Variants in PPIL2 observed in about 807,000 individuals in gnomAD.
PPIL2 encodes peptidylprolyl isomerase like 2.
PPIL2 carries 50 observed loss-of-function variants against 75.2 expected under a neutral mutation model. The observed-to-expected ratio is 0.66, with a 90% CI of 0.53 to 0.84. PPIL2 has a LOEUF of 0.84. Among genes scored for constraint, PPIL2 ranks in the 40% least tolerant of loss-of-function variants. The pLI is 0.00. For missense variants in PPIL2, 590 were observed against 685.0 expected, an observed-to-expected ratio of 0.86 and a Z score of 1.55; for synonymous variants, 245 against 258.8, an observed-to-expected ratio of 0.95 and a Z score of 0.51.
rs779001630 is a variant in PPIL2 at position 21,683,265 on chromosome 22, C to T, written c.553+8C>T. 7 of 1,601,484 alleles carry T rather than the reference C, an allele frequency of 4.4e-6. No homozygotes were observed. The highest frequency in any genetic ancestry group is 6.0e-6 in the Non-Finnish European group (7 of 1,168,666). ...TGAAAATAATAGACCCAGGTATGTA[C>T]ACCTAGGGGCTGGGCTAGGCGAGGG... On this transcript the variant is annotated splice_region_variant and intron_variant, in intron 9 of 19. Coordinates refer to ENST00000398831, the MANE Select transcript of PPIL2 (RefSeq NM_014337.4).
intron 15 of PPIL2, among the ~76,000 whole-genome samples, chr22:21,692,281 T>A (rs11089685): frequency 1.6e-4 from 25 of 151,584 alleles, no homozygotes; most frequent in East Asian, 4.0e-4. Context: ...TCAGCCTCCC[T>A]AGTAGCTGGG....
At chr22:21,693,264 T>G (rs1449382037) in intron 15 of PPIL2, among the ~76,000 whole-genome samples, 1 of 151,990 alleles carries the variant, frequency 6.6e-6, no homozygotes. Context: ...GCCAGGCTGG[T>G]CTCCAACTCC....
chr22:21,696,670 T>G lies in PPIL2; in HGVS notation c.*1180T>G. On this transcript the variant is annotated 3_prime_UTR_variant, in exon 20 of 20. Transcript: ENST00000398831. ...CCCTCAGGCCACCCCCCACTTCTAG[T>G]TCTTCACACTAAGCCCTAACTTAGG... 1 of 1,531,490 alleles carries G rather than the reference T, an allele frequency of 6.5e-7. No individual in the cohort carries two copies. 94.9% of individuals were successfully genotyped at this position (1,531,490 alleles called of 1,614,324 possible).
chr22:21,691,094 C>T lies in PPIL2; in HGVS notation c.1139+2245C>T, dbSNP rs550756668. ...GTTCTCCTGGGATTACAGACGCCCA[C>T]CACCACACCAGGATAATTTTTTGTA... On this transcript the variant is annotated intron_variant, in intron 15 of 19. Coordinates refer to ENST00000398831, the MANE Select transcript of PPIL2 (RefSeq NM_014337.4). 2.9e-5 allele frequency among the ~76,000 whole-genome samples: 4 copies of T among 138,272 alleles called. No individual in the cohort carries two copies. The South Asian group carries it at 9.5e-4, about 33-fold the overall frequency. The allele number at this position is 138,272 out of a possible 152,430, so 90.7% of individuals were successfully genotyped here.
chr22:21,695,318 G>C, intron 19 of PPIL2, 76 bp from the exon 20 acceptor site: 1 of 1,500,130 alleles, frequency 6.7e-7, no homozygotes, highest in Non-Finnish European at 9.1e-7. Context: ...ACACCGGGAG[G>C]GCTGTATGGA....
chr22:21,691,863 G>A (rs558239930), intron 15 of PPIL2, among the ~76,000 whole-genome samples: 1 of 152,176 alleles, frequency 6.6e-6, no homozygotes, highest in Admixed American at 6.5e-5. Flanking sequence ...TCACATCTGC[G>A]GACACTTGTC....
chr22:21,695,789 A>G lies in PPIL2; in HGVS notation c.*299A>G. 8.1e-7 allele frequency: 1 copy of G among 1,228,874 alleles called. No individual in the cohort carries two copies. 76.1% of individuals were successfully genotyped at this position (1,228,874 alleles called of 1,614,324 possible). ...GCCTCAGGCCTCCCCTCTAGTAGGC[A>G]GGCCAGGTTAGTGAGGAAGGACTGT... On this transcript the variant is annotated 3_prime_UTR_variant, in exon 20 of 20. Coordinates refer to ENST00000398831, the MANE Select transcript of PPIL2 (RefSeq NM_014337.4).
chr22:21,684,930 A>C lies in PPIL2; in HGVS notation c.714+17A>C. Reference sequence around the variant, plus strand: ...CTGAACGCTGTGAGTGGCGGAGGGCACTCGGCCAAGCCCAAGCCCCGTCTT... The same window carrying C: ...CTGAACGCTGTGAGTGGCGGAGGGCCCTCGGCCAAGCCCAAGCCCCGTCTT... On this transcript the variant is annotated intron_variant, in intron 10 of 19. Coordinates refer to ENST00000398831, the MANE Select transcript of PPIL2 (RefSeq NM_014337.4). The C allele has an allele frequency of 6.2e-7, 1 of 1,612,390 alleles. No individual in the cohort carries two copies. The highest frequency in any genetic ancestry group is 8.5e-7 in the Non-Finnish European group (1 of 1,178,832).
chr22:21,695,488 TAGC>T lies in PPIL2; in HGVS notation c.*4_*6del. 1 of 1,595,874 alleles carries T rather than the reference TAGC, an allele frequency of 6.3e-7. No homozygotes were observed. The highest frequency in any genetic ancestry group is 8.5e-7 in the Non-Finnish European group (1 of 1,170,616). ...GGGTTTTGGGGACTTCAGCTCCTGG[TAGC>T]AGCAGGTTGGCCGCTGTGGACCTTG... On this transcript the variant is annotated stop_retained_variant and 3_prime_UTR_variant, in exon 20 of 20. Transcript: ENST00000398831.
chr22:21,681,957 G>A (rs1218488576), intron 7 of PPIL2, among the ~76,000 whole-genome samples: 2 of 152,224 alleles, frequency 1.3e-5, no homozygotes, highest in Admixed American at 6.5e-5. Context: ...GGTGGCCAGC[G>A]CTGCTCCAGG....
At chr22:21,676,515 T>G (rs1324696571) in intron 6 of PPIL2, among the ~76,000 whole-genome samples, 7 of 151,818 alleles carry the variant, frequency 4.6e-5, no homozygotes, top group Non-Finnish European at 1.0e-4. Flanking sequence ...TGCGGCCTTC[T>G]GCAGTGTTTG....
chr22:21,672,357 C>T lies in PPIL2; in HGVS notation c.219C>T (p.Tyr73=), dbSNP rs773717734. The T allele has an allele frequency of 4.2e-5, 68 of 1,612,064 alleles. No individual in the cohort carries two copies. In the South Asian group the frequency reaches 4.6e-4, roughly 11 times the overall value. Residue 73 remains tyrosine, a synonymous_variant, in exon 5 of 20, where the codon TAC becomes TAT. Coordinates refer to ENST00000398831, the MANE Select transcript of PPIL2 (RefSeq NM_014337.4). ...LLNIVPWLKK[Y]GTNPSNGEKL... ...ACATTGTTCCATGGCTTAAGAAGTA[C>T]GGGACCAACCCCAGCAATGGAGAGG... is the stretch of plus-strand genomic sequence containing the variant.
intron 5 of PPIL2, among the ~76,000 whole-genome samples, chr22:21,674,252 C>A (rs1326043777): frequency 6.6e-6 from 1 of 152,242 alleles, no homozygotes; most frequent in African/African-American, 2.4e-5. Flanking sequence ...CCGCCCCCAG[C>A]AGTTCCCACC....
intron 4 of PPIL2, among the ~76,000 whole-genome samples, chr22:21,671,656 C>T (rs2066638956): frequency 6.6e-6 from 1 of 152,136 alleles, no homozygotes; most frequent in Admixed American, 6.5e-5. Flanking sequence ...AGTCCTTCCA[C>T]CTCAGCCTCC....
At position 21,686,338 on chromosome 22, in the gene PPIL2, G is replaced by A. The variant is rs2067359101; in HGVS notation, c.715-145G>A. 8 of 717,308 alleles carry A rather than the reference G, an allele frequency of 1.1e-5. 1 individual carries two copies. The Admixed American group carries it at 1.9e-4, about 17-fold the overall frequency. The allele number at this position is 717,308 out of a possible 1,614,324, so 44.4% of individuals were successfully genotyped here. ...TAGCCTTGGCTTCTTCCTCCTGCTG[G>A]TTGGGGAGGCCCTCCTGGAGGAGAG... On this transcript the variant is annotated intron_variant, in intron 10 of 19. Coordinates refer to ENST00000398831, the MANE Select transcript of PPIL2 (RefSeq NM_014337.4).
At chr22:21,686,697 T>A in intron 11 of PPIL2, 139 bp downstream of exon 11, 3 of 1,062,230 alleles carry the variant, frequency 2.8e-6, no homozygotes, top group Non-Finnish European at 2.8e-6. Context: ...CCCTCTTAGC[T>A]GCTGAACCCC....
chr22:21,666,095 C>T lies in PPIL2; in HGVS notation c.-5C>T. 1 of 1,613,364 alleles carries T rather than the reference C, an allele frequency of 6.2e-7. No homozygotes were observed. ...GTGCTCGCTAGTCGCCGCCGCCGCTCCGCCATGGGGAAGCGACAGCACCAA... is the reference window on the plus strand; with the variant it reads ...GTGCTCGCTAGTCGCCGCCGCCGCTTCGCCATGGGGAAGCGACAGCACCAA... On this transcript the variant is annotated 5_prime_UTR_variant, in exon 1 of 20. Transcript: ENST00000398831.
rs1306139400 is a variant in PPIL2 at position 21,682,512 on chromosome 22, A to G, written c.463A>G (p.Ile155Val). 6.3e-7 allele frequency: 1 copy of G among 1,595,586 alleles called. No individual in the cohort carries two copies. Among genetic ancestry groups the G allele is most frequent in the Non-Finnish European group, 8.5e-7 (1 of 1,171,642 alleles). Residue 155 changes from isoleucine to valine, a missense_variant, in exon 8 of 20, where the codon ATC becomes GTC. Physicochemically the swap from Ile to Val is conservative, Grantham distance 29 (BLOSUM62 3). Coordinates refer to ENST00000398831, the MANE Select transcript of PPIL2 (RefSeq NM_014337.4). ...CGACGAGCCCTTCTCCCGGCAGGAC[A>G]TCATCACCCTCCAGGTGAGTGTCCC... ...LTDEPFSRQD[I>V]ITLQDPTNLD...
intron 1 of PPIL2, chr22:21,669,395 T>C (rs2066534477): frequency 2.2e-6 from 1 of 447,226 alleles, no homozygotes; most frequent in African/African-American, 2.0e-5. Flanking sequence ...GCAATCTTCC[T>C]GCCTTGGCCT....
Sources: gnomAD v4.1 joint callset for allele counts (sites outside exome capture counted in the v4.1 genomes callset) on GRCh38, gnomAD v4.1.1 for gene constraint, MANE v1.5 for transcripts, NCBI Gene and HGNC (gene_info 2026-07-23, HGNC 2026-07-21) for gene names.